Variants in SLC6A3 observed in about 807,000 individuals in gnomAD.
SLC6A3 encodes the protein sodium-dependent dopamine transporter.
In SLC6A3, 19 loss-of-function variants were observed where a neutral mutation model predicts 70.4. That is an observed-to-expected ratio of 0.27 (90% confidence interval 0.19 to 0.40). The LOEUF is 0.40. Among genes scored for constraint, SLC6A3 ranks in the 10% least tolerant of loss-of-function variants. SLC6A3 has a pLI of 1.00. For synonymous variants in SLC6A3, 368 were observed against 356.6 expected, an observed-to-expected ratio of 1.03 and a Z score of -0.36; for missense variants, 613 against 838.5, an observed-to-expected ratio of 0.73 and a Z score of 3.32.
rs754761484 is a variant in SLC6A3 at position 1,409,699 on chromosome 5, C to T, written c.1398+22G>A. 33 of 1,612,586 alleles carry T rather than the reference C, an allele frequency of 2.0e-5. No homozygotes were observed. The South Asian group carries it at 2.9e-4, about 14-fold the overall frequency. ...CTAAGGAGACATGACCAGGAGAAGGCGAAGCCGGCGATGGTACGTACGTTG... is the reference window on the plus strand; with the variant it reads ...CTAAGGAGACATGACCAGGAGAAGGTGAAGCCGGCGATGGTACGTACGTTG... On this transcript the variant is annotated intron_variant, in intron 10 of 14. Transcript: ENST00000270349.
chr5:1,443,378 T>C (rs1401426401), intron 1 of SLC6A3, 136 bp from the exon 2 acceptor site: 1 of 727,046 alleles, frequency 1.4e-6, no homozygotes, highest in Admixed American at 2.0e-5. Flanking sequence ...GGGTGCGTTC[T>C]CAGCGCCTGA....
Position 1,401,412 on chromosome 5 carries a change from T to A in SLC6A3, c.1768-426A>T, listed in dbSNP as rs867097230. 1.0e-5 allele frequency: 4 copies of A among 397,430 alleles called. No homozygotes were observed. The highest frequency in any genetic ancestry group is 6.2e-5 in the African/African-American group (3 of 48,308). The allele number at this position is 397,430 out of a possible 1,614,324, so 24.6% of individuals were successfully genotyped here. On this transcript the variant is annotated intron_variant, in intron 13 of 14. Coordinates refer to ENST00000270349, the MANE Select transcript of SLC6A3 (RefSeq NM_001044.5). The surrounding 1 kb of genome is among the most constrained non-coding windows in gnomAD (Gnocchi z 6.1). ...ATATTCCGGGAGCACTTGCTTTTTG[T>A]CACCTGCAGCTCTTGGGAGAGTGAA...
chr5:1,395,830 C>A (rs987335411), intron 14 of SLC6A3, among the ~76,000 whole-genome samples: 1 of 152,242 alleles, frequency 6.6e-6, no homozygotes, highest in Admixed American at 6.5e-5. Context: ...CTCTGTCCTG[C>A]CCGCTGACAG....
chr5:1,433,480 G>A (rs1756754953), intron 3 of SLC6A3, among the ~76,000 whole-genome samples: 1 of 152,078 alleles, frequency 6.6e-6, no homozygotes, highest in Non-Finnish European at 1.5e-5. Flanking sequence ...GCCATCCATG[G>A]CCATCCACAG....
At position 1,400,959 on chromosome 5, in the gene SLC6A3, T is replaced by G; in HGVS notation, c.1795A>C (p.Lys599Gln). 6.3e-7 allele frequency: 1 copy of G among 1,597,552 alleles called. No homozygotes were observed. Among genetic ancestry groups the G allele is most frequent in the Non-Finnish European group, 8.5e-7 (1 of 1,170,270 alleles). Reference protein sequence around the residue: ...EKLAYAIAPEKDRELVDRGEV... With the variant: ...EKLAYAIAPEQDRELVDRGEV... Reference sequence around the variant, plus strand: ...CCTCTGTCCACCAGCTCACGGTCCTTCTCGGGTGCAATGGCGTAGGCCAGT... The same window carrying G: ...CCTCTGTCCACCAGCTCACGGTCCTGCTCGGGTGCAATGGCGTAGGCCAGT... The change falls in exon 14 of 15, where the codon AAG becomes CAG. Residue 599 changes from lysine (K) to glutamine (Q), a missense_variant. By Grantham distance (53) the Lys-to-Gln change is moderately conservative (BLOSUM62 1). Coordinates refer to ENST00000270349, the MANE Select transcript of SLC6A3 (RefSeq NM_001044.5).
chr5:1,420,640 T>G lies in SLC6A3; in HGVS notation c.856A>C (p.Thr286Pro). Residue 286 changes from threonine to proline, a missense_variant, in exon 6 of 15, where the codon ACC becomes CCC. By Grantham distance (38) the Thr-to-Pro change is conservative (BLOSUM62 -1). Transcript: ENST00000270349. ...ATGCCGTCTATGGCTCCAGGGAGGG[T>G]GACCCCACGCAGGAGCAGGGCAGTG... is the stretch of plus-strand genomic sequence containing the variant. ...VLTALLLRGV[T>P]LPGAIDGIRA... 6.2e-7 allele frequency: 1 copy of G among 1,613,210 alleles called. No homozygotes were observed. The highest frequency in any genetic ancestry group is 8.5e-7 in the Non-Finnish European group (1 of 1,179,892).
chr5:1,421,463 A>G lies in SLC6A3; in HGVS notation c.792+413T>C, dbSNP rs1326824058. ...AAGTATTTTTATCAACAAAAAAATC[A>G]TCTTGTGTGTGCCTTCCTGCCAGAA... On this transcript the variant is annotated intron_variant, in intron 5 of 14. Transcript: ENST00000270349. The surrounding 1 kb of genome is among the most constrained non-coding windows in gnomAD (Gnocchi z 7.2). Among the ~76,000 whole-genome samples, 2 of 152,148 alleles carry G rather than the reference A, an allele frequency of 1.3e-5. No individual in the cohort carries two copies. Among genetic ancestry groups the G allele is most frequent in the Non-Finnish European group, 2.9e-5 (2 of 68,004 alleles).
rs958111540 is a variant in SLC6A3 at position 1,413,814 on chromosome 5, G to C, written c.1156+877C>G. Among the ~76,000 whole-genome samples the C allele has an allele frequency of 2.6e-5, 4 of 152,146 alleles. No individual in the cohort carries two copies. The highest frequency in any genetic ancestry group is 9.7e-5 in the African/African-American group (4 of 41,432). On this transcript the variant is annotated intron_variant, in intron 8 of 14. Transcript: ENST00000270349. This position sits in a 1 kb window ranked among gnomAD's most constrained non-coding sequence, Gnocchi z 7.1. ...GTTGGCCCAAGTTAGGGCTGCCAACGCCACAGCTTTCCACTGCAAGCACCG... is the reference window on the plus strand; with the variant it reads ...GTTGGCCCAAGTTAGGGCTGCCAACCCCACAGCTTTCCACTGCAAGCACCG...
chr5:1,418,420 T>C (rs1419068609), intron 6 of SLC6A3, among the ~76,000 whole-genome samples: 1 of 152,198 alleles, frequency 6.6e-6, no homozygotes, highest in African/African-American at 2.4e-5. Context: ...CTATCTATCA[T>C]CTATCACTGT....
chr5:1,420,780 G>A (rs1198214655), intron 5 of SLC6A3, 77 bp from the exon 6 acceptor site: 1 of 1,537,232 alleles, frequency 6.5e-7, no homozygotes, highest in African/African-American at 1.4e-5. Flanking sequence ...AAGGGCACCG[G>A]GTTGCCCTGA....
intron 1 of SLC6A3, among the ~76,000 whole-genome samples, chr5:1,444,652 G>A (rs1259725352): frequency 6.6e-6 from 1 of 152,242 alleles, no homozygotes; most frequent in Non-Finnish European, 1.5e-5. Flanking sequence ...CGCGGCGCGA[G>A]CAGGAGGCCG....
At chr5:1,439,688 T>A (rs1302760290) in intron 3 of SLC6A3, among the ~76,000 whole-genome samples, 1 of 152,246 alleles carries the variant, frequency 6.6e-6, no homozygotes, top group East Asian at 1.9e-4. Flanking sequence ...TTTCCAGAAC[T>A]TCTATGAGTA....
Position 1,406,317 on chromosome 5 carries a change from C to A in SLC6A3, c.1499-29G>T. The A allele has an allele frequency of 6.3e-7, 1 of 1,580,538 alleles. No individual in the cohort carries two copies. The highest frequency in any genetic ancestry group is 1.7e-4 in the Middle Eastern group (1 of 6,018). On this transcript the variant is annotated intron_variant, in intron 11 of 14. Coordinates refer to ENST00000270349, the MANE Select transcript of SLC6A3 (RefSeq NM_001044.5). The surrounding 1 kb of genome is among the most constrained non-coding windows in gnomAD (Gnocchi z 8.8). ...AGGGAGAAGAGGTGGCATCAGTGTC[C>A]ATCAGGGCAGCGCATTCCCCCGATG...
intron 14 of SLC6A3, among the ~76,000 whole-genome samples, 199 bp downstream of exon 14, chr5:1,400,716 C>T (rs769174027): frequency 1.3e-5 from 2 of 152,210 alleles, no homozygotes; most frequent in Admixed American, 6.5e-5. Context: ...AGGGCCCCTG[C>T]GTCATGTGCC....
chr5:1,421,796 C>T lies in SLC6A3; in HGVS notation c.792+80G>A. 1.3e-6 allele frequency: 2 copies of T among 1,497,656 alleles called. No individual in the cohort carries two copies. Among genetic ancestry groups the T allele is most frequent in the Non-Finnish European group, 1.9e-6 (2 of 1,078,476 alleles). 92.8% of individuals were successfully genotyped at this position (1,497,656 alleles called of 1,614,324 possible). A position where few individuals can be genotyped will look rare whatever the true frequency, so the allele number is the denominator to read the frequency against. Reference sequence around the variant, plus strand: ...CAAAACCCAACTGAGGCCACACGTGCACCTCCTGTCCAGCCACGGCCACAT... The same window carrying T: ...CAAAACCCAACTGAGGCCACACGTGTACCTCCTGTCCAGCCACGGCCACAT... On this transcript the variant is annotated intron_variant, in intron 5 of 14. Coordinates refer to ENST00000270349, the MANE Select transcript of SLC6A3 (RefSeq NM_001044.5). The surrounding 1 kb of genome is among the most constrained non-coding windows in gnomAD (Gnocchi z 7.2).
Position 1,402,771 on chromosome 5 carries a change from C to T in SLC6A3, c.1767+151G>A, listed in dbSNP as rs1755879816. On this transcript the variant is annotated intron_variant, in intron 13 of 14. Transcript: ENST00000270349. The surrounding 1 kb of genome is among the most constrained non-coding windows in gnomAD (Gnocchi z 8.5). ...GGGCGTGCAGGTGGACACACACACG[C>T]ACACACACACACAGTGTTGTGGTGG... is the stretch of plus-strand genomic sequence containing the variant. 25 of 678,446 alleles carry T rather than the reference C, an allele frequency of 3.7e-5. No homozygotes were observed. The South Asian group carries it at 4.3e-4, about 12-fold the overall frequency. The allele number at this position is 678,446 out of a possible 1,614,324, so 42.0% of individuals were successfully genotyped here.
At position 1,413,905 on chromosome 5, in the gene SLC6A3, C is replaced by T. The variant is rs564063850; in HGVS notation, c.1156+786G>A. Among the ~76,000 whole-genome samples the T allele has an allele frequency of 2.5e-4, 38 of 152,304 alleles. No homozygotes were observed. The highest frequency in any genetic ancestry group is 1.0e-3 in the South Asian group (5 of 4,824). ...GCCCCTGCATCTGTGCCCGTCCTGCCGGCTCCATCCTGCCTGGCACACTTC... is the reference window on the plus strand; with the variant it reads ...GCCCCTGCATCTGTGCCCGTCCTGCTGGCTCCATCCTGCCTGGCACACTTC... On this transcript the variant is annotated intron_variant, in intron 8 of 14. Coordinates refer to ENST00000270349, the MANE Select transcript of SLC6A3 (RefSeq NM_001044.5). This position sits in a 1 kb window ranked among gnomAD's most constrained non-coding sequence, Gnocchi z 7.1.
chr5:1,440,235 T>C (rs1756941758), intron 3 of SLC6A3, among the ~76,000 whole-genome samples: 1 of 151,940 alleles, frequency 6.6e-6, no homozygotes, highest in South Asian at 2.1e-4. Flanking sequence ...GATAGATGAA[T>C]AGATAGAAGA....
chr5:1,401,193 C>T lies in SLC6A3; in HGVS notation c.1768-207G>A. 2 of 699,974 alleles carry T rather than the reference C, an allele frequency of 2.9e-6. No homozygotes were observed. Among genetic ancestry groups the T allele is most frequent in the African/African-American group, 3.5e-5 (2 of 57,356 alleles). 43.4% of individuals were successfully genotyped at this position (699,974 alleles called of 1,614,324 possible). On this transcript the variant is annotated intron_variant, in intron 13 of 14. Transcript: ENST00000270349. The surrounding 1 kb of genome is among the most constrained non-coding windows in gnomAD (Gnocchi z 6.1). ...TGCCCATGCCGACCAGACAGCCAGT[C>T]AGGCCCGAAGCCAACATCCTGACGG...
Sources: gnomAD v4.1 joint callset for allele counts (sites outside exome capture counted in the v4.1 genomes callset) on GRCh38, gnomAD v4.1.1 for gene constraint, Gnocchi (gnomAD v3.1) non-coding constraint, MANE v1.5 for transcripts, NCBI Gene and HGNC (gene_info 2026-07-23, HGNC 2026-07-21) for gene names.